Variants in MACROD2 observed in about 807,000 individuals in gnomAD.
MACROD2 encodes ADP-ribose glycohydrolase MACROD2.
MACROD2 carries 36 observed loss-of-function variants against 70.4 expected under a neutral mutation model. The ratio of observed to expected loss-of-function variants is 0.51; its 90% CI spans 0.39 to 0.68. The LOEUF (loss-of-function observed/expected upper bound fraction) is 0.68. Among genes scored for constraint, MACROD2 ranks in the 30% least tolerant of loss-of-function variants. The probability of loss-of-function intolerance (pLI) is 0.00; values close to 1 mark genes in which losing one functional copy is unlikely to be tolerated. For missense variants in MACROD2, 496 were observed against 538.4 expected (o/e 0.92, Z 0.78); for synonymous variants, 172 against 178.8 (o/e 0.96, Z 0.30).
At chr20:15,584,102 C>G (rs1380522356) in intron 8 of MACROD2, among the ~76,000 whole-genome samples, 2 of 152,240 alleles carry the variant, frequency 1.3e-5, no homozygotes, top group Non-Finnish European at 2.9e-5. Flanking sequence ...AAAGATTTTA[C>G]CCCATAGAAG....
chr20:15,959,775 G>A (rs899335966), intron 12 of MACROD2, among the ~76,000 whole-genome samples: 9 of 151,948 alleles, frequency 5.9e-5, no homozygotes, highest in Non-Finnish European at 1.3e-4. Flanking sequence ...CTCGTGATCT[G>A]CCCTCCTCAG....
At chr20:14,637,788 T>C (rs1010736179) in intron 4 of MACROD2, among the ~76,000 whole-genome samples, 2 of 152,174 alleles carry the variant, frequency 1.3e-5, no homozygotes, top group Admixed American at 6.5e-5. Context: ...TTCTCTTCGA[T>C]GGAAGAAAAA....
chr20:15,231,882 A>G (rs2076962015), intron 6 of MACROD2, among the ~76,000 whole-genome samples: 1 of 152,058 alleles, frequency 6.6e-6, no homozygotes, highest in African/African-American at 2.4e-5. Context: ...ATTAGCAGGT[A>G]AGGCTGAACT....
intron 5 of MACROD2, among the ~76,000 whole-genome samples, chr20:14,726,093 T>C (rs1206826788): frequency 6.6e-6 from 1 of 152,192 alleles, no homozygotes; most frequent in Admixed American, 6.5e-5. Flanking sequence ...TTCAAAATTC[T>C]TCATAATGGT....
At chr20:14,256,644 G>A (rs1017337362) in intron 3 of MACROD2, among the ~76,000 whole-genome samples, 16 of 152,094 alleles carry the variant, frequency 1.1e-4, no homozygotes, top group African/African-American at 3.9e-4. Context: ...GCCTATTTAA[G>A]ACCTTGCACT....
intron 3 of MACROD2, among the ~76,000 whole-genome samples, chr20:14,429,688 C>G (rs1306375280): frequency 6.6e-6 from 1 of 152,222 alleles, no homozygotes; most frequent in South Asian, 2.1e-4. Flanking sequence ...TGCCTTTGGG[C>G]TTTCTCTGGC....
In MACROD2 at chr20:14,294,892, A is replaced by G. The variant is rs373428831; in HGVS notation, c.272-198587A>G. On this transcript the variant is annotated intron_variant, in intron 3 of 17. Transcript: ENST00000684519. The stretch of plus-strand genomic sequence containing the variant: ...TTTACCATACCTGGCAATTTTATTA[A>G]TGTCTTACCTAACTGTAAACTCAAT... Among the ~76,000 whole-genome samples the G allele has an allele frequency of 8.6e-5, 13 of 151,696 alleles. No homozygotes were observed. In the East Asian group the frequency reaches 2.5e-3, roughly 29 times the overall value.
At chr20:14,338,437 A>C (rs549546975) in intron 3 of MACROD2, among the ~76,000 whole-genome samples, 1 of 152,256 alleles carries the variant, frequency 6.6e-6, no homozygotes, top group East Asian at 1.9e-4. Flanking sequence ...GAATGCCAAA[A>C]GATTTTTTTA....
At position 14,727,051 on chromosome 20, in the gene MACROD2, A is replaced by G. The variant is rs557873277; in HGVS notation, c.418+42092A>G. On this transcript the variant is annotated intron_variant, in intron 5 of 17. Transcript: ENST00000684519. ...TGGTGACTAATTTTTTATACAGTCT[A>G]AAGTGTATACAATTTGTTCAATGTA... 2.6e-5 allele frequency among the ~76,000 whole-genome samples: 4 copies of G among 152,284 alleles called. No homozygotes were observed. The South Asian group carries it at 8.3e-4, about 32-fold the overall frequency.
intron 5 of MACROD2, among the ~76,000 whole-genome samples, chr20:15,026,854 A>G (rs1308054713): frequency 6.6e-6 from 1 of 152,174 alleles, no homozygotes; most frequent in Non-Finnish European, 1.5e-5. Flanking sequence ...TCTGGCCTAC[A>G]CAGAGGCTGA....
chr20:14,180,703 G>A (rs1053705016), intron 3 of MACROD2, among the ~76,000 whole-genome samples: 6 of 151,966 alleles, frequency 3.9e-5, no homozygotes, highest in African/African-American at 1.4e-4. Flanking sequence ...ATGTTAGTTT[G>A]AAATCATTGA....
At chr20:14,058,141 A>T (rs1051817835) in intron 2 of MACROD2, among the ~76,000 whole-genome samples, 2 of 152,118 alleles carry the variant, frequency 1.3e-5, no homozygotes, top group African/African-American at 4.8e-5. Flanking sequence ...TTACATGGGT[A>T]TACTGACCTT....
chr20:15,827,325 A>G (rs1219483697), intron 8 of MACROD2, among the ~76,000 whole-genome samples: 1 of 152,222 alleles, frequency 6.6e-6, no homozygotes, highest in East Asian at 1.9e-4. Flanking sequence ...TGTATATAAG[A>G]TATTATTTAG....
chr20:14,515,463 A>ACACACACGCGCACACACACACACG (rs34190778), intron 4 of MACROD2, among the ~76,000 whole-genome samples: 1 of 138,822 alleles, frequency 7.2e-6, no homozygotes, highest in African/African-American at 2.9e-5. Flanking sequence ...ATACACACAC[A>ACACACACGCGCACACACACACACG]CGCACACACA....
At chr20:15,491,368 A>G (rs909147246) in intron 7 of MACROD2, among the ~76,000 whole-genome samples, 11 of 152,236 alleles carry the variant, frequency 7.2e-5, no homozygotes, top group African/African-American at 2.7e-4. Flanking sequence ...GCAAGATCAG[A>G]CATGACACCT....
intron 9 of MACROD2, among the ~76,000 whole-genome samples, chr20:15,865,844 TTAGTTCTG>T (rs2064485236): frequency 6.6e-6 from 1 of 152,162 alleles, no homozygotes; most frequent in African/African-American, 2.4e-5. Flanking sequence ...GCTGTCTTTA[TTAGTTCTG>T]TATGCACCAC....
At chr20:16,043,928 C>T (rs1363824200) in intron 16 of MACROD2, among the ~76,000 whole-genome samples, 1 of 151,868 alleles carries the variant, frequency 6.6e-6, no homozygotes, top group African/African-American at 2.4e-5. Flanking sequence ...AAACTGTCAA[C>T]CCAAAAATCT....
At chr20:14,987,627 A>G (rs1363991578) in intron 5 of MACROD2, among the ~76,000 whole-genome samples, 3 of 152,188 alleles carry the variant, frequency 2.0e-5, no homozygotes, top group Non-Finnish European at 2.9e-5. Flanking sequence ...CTATTTCTAA[A>G]GGAGATGATG....
At chr20:15,179,058 C>T (rs2076482171) in intron 5 of MACROD2, among the ~76,000 whole-genome samples, 1 of 152,140 alleles carries the variant, frequency 6.6e-6, no homozygotes, top group African/African-American at 2.4e-5. Flanking sequence ...TTACTTTAGG[C>T]TCCTATATAA....
Sources: allele counts gnomAD v4.1 joint callset (sites outside exome capture counted in the v4.1 genomes callset), GRCh38; gene constraint gnomAD v4.1.1; transcripts MANE v1.5; gene names NCBI Gene and HGNC (gene_info 2026-07-23, HGNC 2026-07-21).